The following LRRC63 variants were observed in gnomAD, a reference collection of about 807,000 sequenced individuals.
LRRC63 encodes the protein leucine rich repeat containing 63, also known as leucine-rich repeat-containing protein 63.
LRRC63 carries 40 observed loss-of-function variants against 49.5 expected under a neutral mutation model. That is an observed-to-expected ratio of 0.81 (90% CI 0.63 to 1.05). The LOEUF (loss-of-function observed/expected upper bound fraction) is 1.05. Ranked by LOEUF, LRRC63 falls within the 50% of genes least tolerant of loss-of-function variation. The pLI is 0.00. For missense variants in LRRC63, 636 were observed against 663.1 expected (o/e 0.96, Z 0.45); for synonymous variants, 191 against 221.1 (o/e 0.86, Z 1.21).
chr13:46,240,799 A>G (rs886645609), intron 5 of LRRC63, among the ~76,000 whole-genome samples: 1 of 152,214 alleles, frequency 6.6e-6, no homozygotes. Context: ...CTCTACAAGG[A>G]GAACTATGAA....
At chr13:46,269,521 A>AC (rs1231503757) in intron 9 of LRRC63, among the ~76,000 whole-genome samples, 5 of 91,918 alleles carry the variant, frequency 5.4e-5, no homozygotes, top group Non-Finnish European at 1.2e-4. Context: ...TCAGACACAC[A>AC]AAAAAATCAT....
chr13:46,234,810 C>T (rs769769387), intron 5 of LRRC63, among the ~76,000 whole-genome samples: 1 of 152,116 alleles, frequency 6.6e-6, no homozygotes, highest in Non-Finnish European at 1.5e-5. Context: ...CAGATAAGAA[C>T]ACTGAGCCTT....
intron 9 of LRRC63, 64 bp from the exon 10 acceptor site, chr13:46,276,526 T>G: frequency 2.6e-6 from 2 of 780,536 alleles, no homozygotes; most frequent in South Asian, 1.3e-4. Flanking sequence ...TTTGGAGTCT[T>G]GCATAGCACA....
At chr13:46,261,652 T>C (rs1478073832) in intron 7 of LRRC63, among the ~76,000 whole-genome samples, 1 of 152,054 alleles carries the variant, frequency 6.6e-6, no homozygotes, top group African/African-American at 2.4e-5. Context: ...AACAAAAAAG[T>C]ATCTTAGTGA....
chr13:46,216,976 T>A (rs1317783001), intron 2 of LRRC63, among the ~76,000 whole-genome samples: 1 of 152,374 alleles, frequency 6.6e-6, no homozygotes. Flanking sequence ...TTGTGGTGGA[T>A]AAGCTTTTTG....
At chr13:46,244,219 G>A (rs541514261) in intron 5 of LRRC63, among the ~76,000 whole-genome samples, 1 of 152,114 alleles carries the variant, frequency 6.6e-6, no homozygotes, top group Non-Finnish European at 1.5e-5. Flanking sequence ...AGTACAAAAG[G>A]TTGGAAGGGG....
chr13:46,239,916 A>G (rs2047006185), intron 5 of LRRC63, among the ~76,000 whole-genome samples: 1 of 152,214 alleles, frequency 6.6e-6, no homozygotes, highest in East Asian at 1.9e-4. Flanking sequence ...GATTATCTCA[A>G]TTGATGCAGA....
chr13:46,252,949 G>A (rs2047422692), intron 7 of LRRC63, among the ~76,000 whole-genome samples: 1 of 151,950 alleles, frequency 6.6e-6, no homozygotes, highest in Admixed American at 6.6e-5. Context: ...ACCATTACAG[G>A]TTTTCCATAT....
chr13:46,275,411 G>A (rs2047820961), intron 9 of LRRC63, among the ~76,000 whole-genome samples: 1 of 152,060 alleles, frequency 6.6e-6, no homozygotes, highest in African/African-American at 2.4e-5. Context: ...CATTCTGATG[G>A]CTGTACTAAT....
chr13:46,236,519 A>T (rs1309558497), intron 5 of LRRC63, among the ~76,000 whole-genome samples: 1 of 152,160 alleles, frequency 6.6e-6, no homozygotes, highest in Non-Finnish European at 1.5e-5. Flanking sequence ...ATGGGATGAC[A>T]TCTTTATAGT....
At chr13:46,257,899 A>G (rs560533257) in intron 7 of LRRC63, among the ~76,000 whole-genome samples, 36 of 151,348 alleles carry the variant, frequency 2.4e-4, no homozygotes, top group East Asian at 5.8e-4. Context: ...TAGTTTCCAT[A>G]TGTTAAAATA....
intron 9 of LRRC63, among the ~76,000 whole-genome samples, chr13:46,267,328 C>T (rs2047697027): frequency 6.6e-6 from 1 of 152,162 alleles, no homozygotes; most frequent in Non-Finnish European, 1.5e-5. Flanking sequence ...TGTTTCACTC[C>T]ACTGTGATGT....
chr13:46,231,542 C>T (rs1369743006), intron 4 of LRRC63, among the ~76,000 whole-genome samples: 1 of 151,706 alleles, frequency 6.6e-6, no homozygotes, highest in East Asian at 1.9e-4. Flanking sequence ...CAGAGTCTTA[C>T]TCTATTGCCC....
intron 7 of LRRC63, among the ~76,000 whole-genome samples, chr13:46,258,292 G>A (rs1008986775): frequency 6.6e-6 from 1 of 151,092 alleles, no homozygotes; most frequent in Non-Finnish European, 1.5e-5. Context: ...ACCATGCCTG[G>A]CTAATTTTTT....
At chr13:46,271,769 C>T (rs565637163) in intron 9 of LRRC63, among the ~76,000 whole-genome samples, 1 of 149,424 alleles carries the variant, frequency 6.7e-6, no homozygotes, top group South Asian at 2.1e-4. Context: ...AGTTTAAGAT[C>T]AGTTAACACT....
At chr13:46,267,070 C>A in intron 9 of LRRC63, 98 bp downstream of exon 9, 1 of 1,132,054 alleles carries the variant, frequency 8.8e-7, no homozygotes, top group Non-Finnish European at 1.2e-6. Context: ...AACATGCACA[C>A]ATACTCCATG....
At chr13:46,215,570 G>A (rs966522890) in intron 2 of LRRC63, among the ~76,000 whole-genome samples, 2 of 152,030 alleles carry the variant, frequency 1.3e-5, no homozygotes, top group Non-Finnish European at 2.9e-5. Flanking sequence ...TAGGCTGCCT[G>A]TTCACTCTGA....
intron 7 of LRRC63, among the ~76,000 whole-genome samples, chr13:46,250,867 T>C (rs1052329042): frequency 6.6e-5 from 10 of 151,870 alleles, no homozygotes. Flanking sequence ...ATGATAATTA[T>C]ATATTTGATC....
Position 46,250,606 on chromosome 13 carries a change from C to A in LRRC63, c.1226+115C>A. ...TTTTGGCTATTTAGTAATTTGTATT[C>A]TATTCTAATTAGCTAATACGCTTCT... is the stretch of plus-strand genomic sequence containing the variant. On this transcript the variant is annotated intron_variant, in intron 7 of 9. Transcript: ENST00000595396. 3 of 850,234 alleles carry A rather than the reference C, an allele frequency of 3.5e-6. No homozygotes were observed. In the South Asian group the frequency reaches 5.8e-5, roughly 16 times the overall value. 52.7% of individuals were successfully genotyped at this position (850,234 alleles called of 1,614,324 possible).
Sources: gnomAD v4.1 joint callset for allele counts (sites outside exome capture counted in the v4.1 genomes callset) on GRCh38, gnomAD v4.1.1 for gene constraint, MANE v1.5 for transcripts, NCBI Gene and HGNC (gene_info 2026-07-23, HGNC 2026-07-21) for gene names.